Variants in NPSR1 observed in about 807,000 individuals in gnomAD.
The protein encoded by NPSR1 is neuropeptide S receptor.
Under a neutral mutation model 46.9 loss-of-function variants are expected in NPSR1, and 48 were observed. The observed-to-expected ratio is 1.02, with a 90% confidence interval of 0.81 to 1.30. The LOEUF (loss-of-function observed/expected upper bound fraction) is 1.30, where lower values mean the gene tolerates loss of function less well. NPSR1 is among the 50% of genes most tolerant of loss of function. The pLI, the probability that NPSR1 is intolerant of heterozygous loss-of-function variation, is 0.00. For missense variants in NPSR1, 450 were observed against 449.5 expected (o/e 1.00, Z -0.01); for synonymous variants, 176 against 168.1 (o/e 1.05, Z -0.36).
chr7:34,745,621 C>G (rs1441174344), intron 2 of NPSR1, among the ~76,000 whole-genome samples: 2 of 152,126 alleles, frequency 1.3e-5, no homozygotes, highest in East Asian at 3.9e-4. Context: ...TAGGCTCAAG[C>G]CATCCTCCCA....
At chr7:34,723,538 T>TA (rs1029450635) in intron 2 of NPSR1, 6 of 151,504 alleles carry the variant, frequency 4.0e-5, no homozygotes, top group Non-Finnish European at 2.9e-5. Context: ...AATAAATAAA[T>TA]AAATAAATAA....
chr7:34,672,668 A>G (rs1014590401), intron 1 of NPSR1, among the ~76,000 whole-genome samples: 2 of 152,202 alleles, frequency 1.3e-5, no homozygotes, highest in Non-Finnish European at 2.9e-5. Context: ...TAAGAAATCA[A>G]TGTCAGGCAG....
chr7:34,854,006 CACA>C (rs1790999668), downstream of NPSR1, among the ~76,000 whole-genome samples: 2 of 151,562 alleles, frequency 1.3e-5, no homozygotes, highest in Non-Finnish European at 2.9e-5. Flanking sequence ...CATTATTACG[CACA>C]ACAATAGCAT....
chr7:34,874,463 G>A (rs1251258866), intron 8 of NPSR1, among the ~76,000 whole-genome samples: 1 of 152,124 alleles, frequency 6.6e-6, no homozygotes, highest in Non-Finnish European at 1.5e-5. Context: ...AAAAAAAGGA[G>A]GGATAATTTG....
At chr7:34,820,223 C>G (rs915798124) in intron 4 of NPSR1, among the ~76,000 whole-genome samples, 1 of 152,172 alleles carries the variant, frequency 6.6e-6, no homozygotes, top group Non-Finnish European at 1.5e-5. Context: ...GGAATGTATA[C>G]ATATCTCCAG....
At chr7:34,696,986 G>A (rs1793563574) in intron 2 of NPSR1, among the ~76,000 whole-genome samples, 1 of 151,868 alleles carries the variant, frequency 6.6e-6, no homozygotes, top group African/African-American at 2.4e-5. Flanking sequence ...AGTTTTTAAG[G>A]ATACATACCA....
At chr7:34,877,438 C>G (rs927494623) in intron 8 of NPSR1, among the ~76,000 whole-genome samples, 8 of 152,158 alleles carry the variant, frequency 5.3e-5, no homozygotes, top group African/African-American at 1.7e-4. Context: ...CAGCCAGGCC[C>G]CAGATGTTGG....
intron 2 of NPSR1, among the ~76,000 whole-genome samples, chr7:34,726,919 A>G: frequency 6.6e-6 from 1 of 151,960 alleles, no homozygotes. Context: ...ACTATTTCAT[A>G]TGTTATTATA....
chr7:34,743,918 C>T (rs1785077494), intron 2 of NPSR1, among the ~76,000 whole-genome samples: 1 of 152,086 alleles, frequency 6.6e-6, no homozygotes, highest in South Asian at 2.1e-4. Context: ...ATATAATAAT[C>T]TGATACTCTT....
chr7:34,833,714 T>C (rs1178385976), intron 5 of NPSR1, among the ~76,000 whole-genome samples: 1 of 152,222 alleles, frequency 6.6e-6, no homozygotes, highest in Non-Finnish European at 1.5e-5. Context: ...AAGGCAGCCA[T>C]TCAAGTTGTT....
chr7:34,750,043 A>G (rs1229728996), intron 2 of NPSR1, among the ~76,000 whole-genome samples: 3 of 152,146 alleles, frequency 2.0e-5, no homozygotes, highest in Admixed American at 6.5e-5. Flanking sequence ...ACTGGCAAAC[A>G]TATATTCCAA....
intron 4 of NPSR1, among the ~76,000 whole-genome samples, chr7:34,825,712 C>T (rs1789798793): frequency 6.6e-6 from 1 of 152,130 alleles, no homozygotes; most frequent in Non-Finnish European, 1.5e-5. Flanking sequence ...CCTCAGGGGA[C>T]CAAGAATCAG....
At chr7:34,871,886 C>G (rs936013079) in intron 8 of NPSR1, among the ~76,000 whole-genome samples, 1 of 151,834 alleles carries the variant, frequency 6.6e-6, no homozygotes, top group Admixed American at 6.5e-5. Context: ...GTACTTGTGG[C>G]TTTTCCAGGC....
chr7:34,867,474 C>T (rs927210098), intron 8 of NPSR1, among the ~76,000 whole-genome samples: 3 of 151,848 alleles, frequency 2.0e-5, no homozygotes, highest in Non-Finnish European at 2.9e-5. Context: ...AGGCAATTGG[C>T]CAGGCCAGCT....
intron 2 of NPSR1, among the ~76,000 whole-genome samples, chr7:34,715,692 A>G (rs966491036): frequency 6.6e-6 from 1 of 152,210 alleles, no homozygotes; most frequent in African/African-American, 2.4e-5. Flanking sequence ...CCCTGAATAC[A>G]AAATAGCTGT....
At chr7:34,698,866 T>A in intron 2 of NPSR1, among the ~76,000 whole-genome samples, 1 of 152,144 alleles carries the variant, frequency 6.6e-6, no homozygotes, top group East Asian at 1.9e-4. Flanking sequence ...ATTAGTATAA[T>A]TTTTAAAGAA....
chr7:34,774,473 T>C (rs991452869), intron 2 of NPSR1, among the ~76,000 whole-genome samples: 2 of 152,226 alleles, frequency 1.3e-5, no homozygotes, highest in African/African-American at 2.4e-5. Flanking sequence ...ACTTAGTGCA[T>C]TGGCAATAAT....
intron 6 of NPSR1, among the ~76,000 whole-genome samples, chr7:34,842,871 T>C (rs1243114626): frequency 6.6e-6 from 1 of 152,150 alleles, no homozygotes; most frequent in Non-Finnish European, 1.5e-5. Context: ...GCCTCCCCAG[T>C]TTGCCTTCAG....
At chr7:34,686,506 C>T (rs1262406951) in intron 2 of NPSR1, among the ~76,000 whole-genome samples, 1 of 152,034 alleles carries the variant, frequency 6.6e-6, no homozygotes, top group Non-Finnish European at 1.5e-5. Flanking sequence ...ACTGAGGGGC[C>T]CTGTGCTTTG....
Sources: allele counts gnomAD v4.1 joint callset (sites outside exome capture counted in the v4.1 genomes callset), GRCh38; gene constraint gnomAD v4.1.1; transcripts MANE v1.5; gene names NCBI Gene and HGNC (gene_info 2026-07-23, HGNC 2026-07-21).